The following LAMA5 variants were observed in gnomAD, a reference collection of about 807,000 sequenced individuals.
LAMA5 encodes the protein laminin subunit alpha 5.
Under a neutral mutation model 433.4 loss-of-function variants are expected in LAMA5, and 260 were observed. The ratio of observed to expected loss-of-function variants is 0.60; its 90% CI spans 0.54 to 0.66. The LOEUF is 0.66. Ranked by LOEUF, LAMA5 falls within the 30% of genes least tolerant of loss-of-function variation. The probability of loss-of-function intolerance (pLI) is 0.00; values close to 1 mark genes in which losing one functional copy is unlikely to be tolerated. For synonymous variants in LAMA5, 2,620 were observed against 2,226.6 expected, an observed-to-expected ratio of 1.18 and a Z score of -4.97; for missense variants, 5,378 against 5,258.5, an observed-to-expected ratio of 1.02 and a Z score of -0.70.
intron 26 of LAMA5, 77 bp downstream of exon 26, chr20:62,333,013 C>A: frequency 7.2e-7 from 1 of 1,392,690 alleles, no homozygotes; most frequent in East Asian, 2.6e-5. Context: ...CTATAACCTG[C>A]CACCGCCACA....
At position 62,337,654 on chromosome 20, in the gene LAMA5, G is replaced by A. The variant is rs1484343249; in HGVS notation, c.2100C>T (p.Pro700=). The A allele has an allele frequency of 1.9e-6, 3 of 1,612,336 alleles. No individual in the cohort carries two copies. Among genetic ancestry groups the A allele is most frequent in the Non-Finnish European group, 2.5e-6 (3 of 1,179,782 alleles). ...TGTCACACCGCAGCCCCGTCACACG[G>A]GGCCGGCAGCTGCACTGCCCACTCC... ...DPRSGQCSCR[P]RVTGLRCDTC... is the part of the protein sequence containing the mutation. Residue 700 remains proline (P), a synonymous_variant, in exon 16 of 80, where the codon CCC becomes CCT. Coordinates refer to ENST00000252999, the MANE Select transcript of LAMA5 (RefSeq NM_005560.6).
At chr20:62,331,288 GGGGGGGTGTAGGCGGTACGAT>G (rs1980399600) in intron 28 of LAMA5, among the ~76,000 whole-genome samples, 159 bp from the exon 29 acceptor site, 3 of 59,894 alleles carry the variant, frequency 5.0e-5, no homozygotes, top group African/African-American at 7.8e-5. Context: ...GCGGTACGAT[GGGGGGGTGTAGGCGGTACGAT>G]GGGGGGTGCA....
intron 34 of LAMA5, 73 bp from the exon 35 acceptor site, chr20:62,328,518 C>G: frequency 7.1e-7 from 1 of 1,399,150 alleles, no homozygotes; most frequent in Non-Finnish European, 9.5e-7. Flanking sequence ...GAATGCAGCC[C>G]TAGGGGATGT....
chr20:62,348,747 A>G (rs1983746907), intron 6 of LAMA5, among the ~76,000 whole-genome samples: 3 of 152,226 alleles, frequency 2.0e-5, no homozygotes, highest in Admixed American at 2.0e-4. Flanking sequence ...TAAAGACTCA[A>G]TGGATGGGCT....
intron 30 of LAMA5, 45 bp downstream of exon 30, chr20:62,330,698 G>A: frequency 6.4e-7 from 1 of 1,556,302 alleles, no homozygotes; most frequent in Non-Finnish European, 8.7e-7. Flanking sequence ...GGGACCCGGA[G>A]TCCTGCCCTG....
chr20:62,359,565 G>A lies in LAMA5; in HGVS notation c.450+2835C>T, dbSNP rs183725023. Among the ~76,000 whole-genome samples the A allele has an allele frequency of 8.3e-3, 1,268 of 152,220 alleles. 6 individuals are homozygous for A. Among genetic ancestry groups the A allele is most frequent in the Non-Finnish European group, 0.011 (755 of 67,968 alleles). ...TGGCCGCTCAGTTCCAGAAGCTTCC[G>A]GAGGATGCAAGGAGATACGCAAGAA... On this transcript the variant is annotated intron_variant, in intron 2 of 79. Transcript: ENST00000252999. This position sits in a 1 kb window ranked among gnomAD's most constrained non-coding sequence, Gnocchi z 4.3.
intron 18 of LAMA5, 72 bp from the exon 19 acceptor site, chr20:62,335,341 C>A: frequency 6.6e-7 from 1 of 1,523,762 alleles, no homozygotes; most frequent in Non-Finnish European, 9.0e-7. Context: ...CCGAGGAACC[C>A]CCACACCCTA....
intron 2 of LAMA5, 34 bp from the exon 3 acceptor site, chr20:62,353,285 G>A: frequency 6.1e-6 from 9 of 1,475,774 alleles, no homozygotes; most frequent in Non-Finnish European, 8.4e-6. Flanking sequence ...GGAGCCAGGG[G>A]CGCCTGGATT....
chr20:62,349,085 T>C (rs995149132), intron 6 of LAMA5, among the ~76,000 whole-genome samples: 2 of 151,688 alleles, frequency 1.3e-5, no homozygotes, highest in South Asian at 4.2e-4. Context: ...TTGGCTAACA[T>C]GGTGAAACCC....
intron 28 of LAMA5, among the ~76,000 whole-genome samples, chr20:62,331,596 C>A (rs1980474005): frequency 6.6e-6 from 1 of 152,222 alleles, no homozygotes; most frequent in African/African-American, 2.4e-5. Flanking sequence ...AGGCCCAGCT[C>A]TCCCAGGACC....
chr20:62,328,029 C>A lies in LAMA5; in HGVS notation c.4653-19G>T. 8 of 1,610,210 alleles carry A rather than the reference C, an allele frequency of 5.0e-6. No individual in the cohort carries two copies. The highest frequency in any genetic ancestry group is 6.8e-6 in the Non-Finnish European group (8 of 1,179,600). ...TCTGCACCTGTGGCAGGGGCGGGAG[C>A]TGAGCCCCCTCCACCCCAGGTCACT... On this transcript the variant is annotated intron_variant, in intron 35 of 79. Coordinates refer to ENST00000252999, the MANE Select transcript of LAMA5 (RefSeq NM_005560.6).
chr20:62,322,269 G>T lies in LAMA5; in HGVS notation c.6346C>A (p.Arg2116Ser). 1.9e-6 allele frequency: 3 copies of T among 1,592,856 alleles called. No homozygotes were observed. Among genetic ancestry groups the T allele is most frequent in the Non-Finnish European group, 1.7e-6 (2 of 1,172,756 alleles). ...CCTCCTGTGACCGGCCAGCACTCACGCCTGCAGCCCTGCTCAGGGAGCCCC... is the reference window on the plus strand; with the variant it reads ...CCTCCTGTGACCGGCCAGCACTCACTCCTGCAGCCCTGCTCAGGGAGCCCC... ...YWGLPEQGCRRCQCPGGRCDP... is the reference protein window; with the variant it reads ...YWGLPEQGCRSCQCPGGRCDP... The change falls in exon 47 of 80, where the codon CGC becomes AGC. Residue 2116 changes from arginine to serine, a missense_variant and splice_region_variant. Arg to Ser is a moderately radical substitution (Grantham distance 110, BLOSUM62 -1). Transcript: ENST00000252999.
Position 62,310,750 on chromosome 20 carries a change from C to T in LAMA5, c.10361G>A (p.Arg3454Gln), listed in dbSNP as rs192231400. The T allele has an allele frequency of 5.7e-4, 892 of 1,570,846 alleles. 4 individuals carry two copies. The African/African-American group carries it at 9.8e-3, about 17-fold the overall frequency. ...GGGGTGCTCTGCCCCCTGGTGCTGC[C>T]GGTGCGGCCCCTCCTGGCTCCAGGC... ...ARAWSQEGPHRQHQGAEHPQP... is the reference protein window; with the variant it reads ...ARAWSQEGPHQQHQGAEHPQP... The change falls in exon 75 of 80, where the codon CGG becomes CAG. Residue 3454 changes from arginine (R) to glutamine (Q), a missense_variant. Physicochemically the swap from Arg to Gln is conservative, Grantham distance 43. Transcript: ENST00000252999.
In LAMA5 at chr20:62,313,784, G is replaced by A. The variant is rs200154650; in HGVS notation, c.8523C>T (p.His2841=). 4 of 1,612,882 alleles carry A rather than the reference G, an allele frequency of 2.5e-6. No individual in the cohort carries two copies. Among genetic ancestry groups the A allele is most frequent in the Non-Finnish European group, 3.4e-6 (4 of 1,179,964 alleles). Residue 2841 remains histidine (H), a synonymous_variant, in exon 63 of 80, where the codon CAC becomes CAT. Transcript: ENST00000252999. The part of the protein sequence containing the change: ...VSLDRTLQFG[H]MSVTVERQMI... ...TCTGTCTCTCCACTGTGACGGACAT[G>A]TGGCCAAACTGGAGAGTCCTGAGGG...
At chr20:62,345,947 C>G in intron 10 of LAMA5, 70 bp from the exon 11 acceptor site, 2 of 1,563,728 alleles carry the variant, frequency 1.3e-6, no homozygotes, top group Non-Finnish European at 1.7e-6. Context: ...CCCTGCCACC[C>G]TTGGTCTCTC....
rs1486342669 is a variant in LAMA5 at position 62,334,558 on chromosome 20, C to T, written c.2546G>A (p.Arg849Gln). 9.0e-6 allele frequency: 14 copies of T among 1,548,584 alleles called. No individual in the cohort carries two copies. Among genetic ancestry groups the T allele is most frequent in the South Asian group, 2.4e-5 (2 of 84,038 alleles). Reference protein sequence around the residue: ...QSCEPRTGVCRCRPNTQGPTC... With the variant: ...QSCEPRTGVCQCRPNTQGPTC... Reference sequence around the variant, plus strand: ...GGGGCCCTGGGTGTTGGGGCGGCACCGGCAGACGCCCGTCCTCGGTTCACA... The same window carrying T: ...GGGGCCCTGGGTGTTGGGGCGGCACTGGCAGACGCCCGTCCTCGGTTCACA... Residue 849 changes from arginine (R) to glutamine (Q), a missense_variant, in exon 21 of 80, where the codon CGG (arginine) becomes CAG (glutamine). Transcript: ENST00000252999.
Position 62,332,571 on chromosome 20 carries a change from G to C in LAMA5, c.3429C>G (p.His1143Gln). The C allele has an allele frequency of 6.3e-7, 1 of 1,595,058 alleles. No homozygotes were observed. Residue 1143 changes from histidine to glutamine, a missense_variant, in exon 27 of 80, where the codon CAC (histidine) becomes CAG (glutamine). Coordinates refer to ENST00000252999, the MANE Select transcript of LAMA5 (RefSeq NM_005560.6). ...RAPQQGLLSL[H>Q]PCLYSTLCRG... is the part of the protein sequence containing the mutation. Reference sequence around the variant, plus strand: ...CTCCCACTCACCTGTACAGGCAGGGGTGCAGGGAGAGCAGCCCCTGCTGGG... The same window carrying C: ...CTCCCACTCACCTGTACAGGCAGGGCTGCAGGGAGAGCAGCCCCTGCTGGG...
intron 2 of LAMA5, chr20:62,356,543 C>T (rs978243916): frequency 2.4e-4 from 37 of 152,376 alleles, no homozygotes; most frequent in East Asian, 2.1e-3. Context: ...GGACGGCAGC[C>T]GGACCCGCCT....
intron 38 of LAMA5, 33 bp from the exon 39 acceptor site, chr20:62,326,999 A>G (rs367595484): frequency 2.8e-5 from 41 of 1,489,468 alleles, no homozygotes; most frequent in Non-Finnish European, 3.7e-5. Context: ...TGACCTGGCC[A>G]GACTCTGGCC....
Sources: allele counts gnomAD v4.1 joint callset (sites outside exome capture counted in the v4.1 genomes callset), GRCh38; gene constraint gnomAD v4.1.1; non-coding constraint Gnocchi (gnomAD v3.1); transcripts MANE v1.5; gene names NCBI Gene and HGNC (gene_info 2026-07-23, HGNC 2026-07-21).